The following KSR2 variants were observed in gnomAD, a reference collection of about 807,000 sequenced individuals.
KSR2 encodes kinase suppressor of ras 2.
KSR2 carries 25 observed loss-of-function variants against 107.8 expected under a neutral mutation model. The ratio of observed to expected loss-of-function variants is 0.23; its 90% CI spans 0.17 to 0.32. The LOEUF (loss-of-function observed/expected upper bound fraction) is 0.32, where lower values mean the gene tolerates loss of function less well. Ranked by LOEUF, KSR2 falls within the 10% of genes least tolerant of loss-of-function variation. The pLI, the probability that KSR2 is intolerant of heterozygous loss-of-function variation, is 1.00. For missense variants in KSR2, 887 were observed against 1,268.9 expected, an observed-to-expected ratio of 0.70 and a Z score of 4.57; for synonymous variants, 480 against 507.0, an observed-to-expected ratio of 0.95 and a Z score of 0.71.
intron 3 of KSR2, among the ~76,000 whole-genome samples, chr12:117,854,447 G>GA: frequency 6.6e-6 from 1 of 152,310 alleles, no homozygotes; most frequent in Non-Finnish European, 1.5e-5. Context: ...TCTCAGCCCT[G>GA]CTGGCACCCC....
At chr12:117,492,837 A>G (rs556002796) in intron 14 of KSR2, among the ~76,000 whole-genome samples, 23 of 152,090 alleles carry the variant, frequency 1.5e-4, no homozygotes, top group Non-Finnish European at 2.6e-4. Flanking sequence ...TCAACCCACC[A>G]TCGCTGACTT....
Position 117,906,881 on chromosome 12 carries a change from T to G in KSR2, c.181-46450A>C, listed in dbSNP as rs139979974. On this transcript the variant is annotated intron_variant, in intron 1 of 19. Transcript: ENST00000339824. ...CCGTCTCTACAAAAAAATAAAATTA[T>G]CCAGGTGTGGTGGCACACGCCTGTA... is the stretch of plus-strand genomic sequence containing the variant. 6.3e-3 allele frequency among the ~76,000 whole-genome samples: 954 copies of G among 151,986 alleles called. 9 individuals carry two copies. Among genetic ancestry groups the G allele is most frequent in the African/African-American group, 0.021 (890 of 41,456 alleles).
At chr12:117,631,014 C>T (rs1882782370) in intron 5 of KSR2, among the ~76,000 whole-genome samples, 1 of 152,120 alleles carries the variant, frequency 6.6e-6, no homozygotes, top group Non-Finnish European at 1.5e-5. Flanking sequence ...GAATAAGATT[C>T]TCAGTAAATA....
chr12:117,794,790 TTAAA>T (rs1378006172), intron 3 of KSR2, among the ~76,000 whole-genome samples: 3 of 152,116 alleles, frequency 2.0e-5, no homozygotes, highest in East Asian at 3.9e-4. Context: ...AATAGTCACT[TTAAA>T]TAGGACGGGG....
At chr12:117,568,695 G>A (rs1452460300) in intron 7 of KSR2, among the ~76,000 whole-genome samples, 1 of 151,588 alleles carries the variant, frequency 6.6e-6, no homozygotes, top group Non-Finnish European at 1.5e-5. Context: ...TGGCACCTGG[G>A]TGAGCCCCCA....
Position 117,761,449 on chromosome 12 carries a change from C to T in KSR2, c.548G>A (p.Cys183Tyr). Reference protein sequence around the residue: ...TETGKENNPVCPPEPTPWIRT... With the variant: ...TETGKENNPVYPPEPTPWIRT... Reference sequence around the variant, plus strand: ...GATCCACGGGGTGGGCTCCGGGGGGCACACGGGATTGTTCTCCTTCCCCGT... The same window carrying T: ...GATCCACGGGGTGGGCTCCGGGGGGTACACGGGATTGTTCTCCTTCCCCGT... Residue 183 changes from cysteine to tyrosine, a missense_variant, in exon 4 of 20, where the codon TGC (cysteine) becomes TAC (tyrosine). Cys to Tyr is a radical substitution (Grantham distance 194, BLOSUM62 -2). Transcript: ENST00000339824. 3 of 1,612,644 alleles carry T rather than the reference C, an allele frequency of 1.9e-6. No individual in the cohort carries two copies. Among genetic ancestry groups the T allele is most frequent in the Non-Finnish European group, 2.5e-6 (3 of 1,179,512 alleles).
intron 3 of KSR2, among the ~76,000 whole-genome samples, chr12:117,780,734 A>AT (rs1889854177): frequency 6.6e-6 from 1 of 152,190 alleles, no homozygotes; most frequent in South Asian, 2.1e-4. Context: ...ATGTTGGCTG[A>AT]TTTTTTAATG....
intron 3 of KSR2, among the ~76,000 whole-genome samples, chr12:117,830,704 A>C (rs1593278836): frequency 6.6e-6 from 1 of 152,136 alleles, no homozygotes; most frequent in Non-Finnish European, 1.5e-5. Context: ...CGTGGGGAGA[A>C]ACAAATTTAA....
At chr12:117,708,467 C>G (rs1404900916) in intron 4 of KSR2, among the ~76,000 whole-genome samples, 1 of 152,182 alleles carries the variant, frequency 6.6e-6, no homozygotes, top group East Asian at 1.9e-4. Flanking sequence ...GCCAGTGATT[C>G]TAATCACCAT....
chr12:117,939,974 C>G (rs891912166), intron 1 of KSR2, among the ~76,000 whole-genome samples: 5 of 151,734 alleles, frequency 3.3e-5, no homozygotes, highest in Non-Finnish European at 7.4e-5. Context: ...CACACACACA[C>G]ACACACACAC....
intron 1 of KSR2, among the ~76,000 whole-genome samples, chr12:117,885,895 A>G (rs1341133547): frequency 6.6e-6 from 1 of 152,062 alleles, no homozygotes; most frequent in Non-Finnish European, 1.5e-5. Flanking sequence ...GGAGATCGAG[A>G]CCATCCTGGC....
intron 8 of KSR2, among the ~76,000 whole-genome samples, chr12:117,558,230 G>C (rs565667880): frequency 6.6e-6 from 1 of 152,352 alleles, no homozygotes; most frequent in South Asian, 2.1e-4. Flanking sequence ...AATTAGGAGA[G>C]GAGACAGGAT....
chr12:117,791,661 G>A (rs1324650667), intron 3 of KSR2, among the ~76,000 whole-genome samples: 2 of 152,148 alleles, frequency 1.3e-5, no homozygotes, highest in Non-Finnish European at 2.9e-5. Flanking sequence ...GGCTGCTGGA[G>A]GAGGTGGGAG....
chr12:117,632,218 C>CTTTTT (rs544594793), intron 5 of KSR2, among the ~76,000 whole-genome samples: 109 of 84,054 alleles, frequency 1.3e-3, no homozygotes, highest in African/African-American at 1.8e-3. Context: ...AGTCCTACTC[C>CTTTTT]TTTTTTTTTT....
intron 1 of KSR2, among the ~76,000 whole-genome samples, chr12:117,875,049 A>T (rs937137311): frequency 1.3e-5 from 2 of 152,190 alleles, no homozygotes; most frequent in East Asian, 3.9e-4. Context: ...CTTCCACGAC[A>T]GATGGAAAAT....
chr12:117,779,638 C>T (rs566363503), intron 3 of KSR2, among the ~76,000 whole-genome samples: 1 of 152,236 alleles, frequency 6.6e-6, no homozygotes, highest in African/African-American at 2.4e-5. Context: ...GTGCTGTTCT[C>T]ATGATAGTGA....
intron 1 of KSR2, among the ~76,000 whole-genome samples, chr12:117,910,030 C>T (rs1019469159): frequency 6.6e-6 from 1 of 152,000 alleles, no homozygotes; most frequent in East Asian, 1.9e-4. Flanking sequence ...GAGTTCGAAA[C>T]CAACCTGGGC....
At chr12:117,774,484 C>A (rs1267135172) in intron 3 of KSR2, among the ~76,000 whole-genome samples, 1 of 152,186 alleles carries the variant, frequency 6.6e-6, no homozygotes, top group Non-Finnish European at 1.5e-5. Context: ...CTAGTCTGGG[C>A]AGGTCACCTG....
rs370346837 is a variant in KSR2, at chr12:117,678,579, A to G, written c.987-10921T>C. Among the ~76,000 whole-genome samples the G allele has an allele frequency of 3.4e-3, 516 of 152,270 alleles. 2 individuals are homozygous for G. The highest frequency in any genetic ancestry group is 4.8e-3 in the Non-Finnish European group (326 of 68,020). ...ACTGCTGAGGTACCTGAGAGGTGTT[A>G]CCTGCATCAGTCCTCTCAAACCAAG... On this transcript the variant is annotated intron_variant, in intron 4 of 19. Coordinates refer to ENST00000339824, the MANE Select transcript of KSR2 (RefSeq NM_173598.6).
Sources: gnomAD v4.1 joint callset for allele counts (sites outside exome capture counted in the v4.1 genomes callset) on GRCh38, gnomAD v4.1.1 for gene constraint, MANE v1.5 for transcripts, NCBI Gene and HGNC (gene_info 2026-07-23, HGNC 2026-07-21) for gene names.